The following ASIC2 variants were observed in gnomAD, a reference collection of about 807,000 sequenced individuals.
ASIC2 encodes the protein acid-sensing ion channel 2.
Under a neutral mutation model 57.3 loss-of-function variants are expected in ASIC2, and 25 were observed. The ratio of observed to expected loss-of-function variants is 0.44; its 90% CI spans 0.32 to 0.61. The LOEUF is 0.61. Among genes scored for constraint, ASIC2 ranks in the 20% least tolerant of loss-of-function variants. The pLI is 0.06. For missense variants in ASIC2, 641 were observed against 738.1 expected, an observed-to-expected ratio of 0.87 and a Z score of 1.52; for synonymous variants, 319 against 307.5, an observed-to-expected ratio of 1.04 and a Z score of -0.39.
intron 1 of ASIC2, among the ~76,000 whole-genome samples, chr17:34,081,213 G>A (rs1165079932): frequency 1.3e-5 from 2 of 152,056 alleles, no homozygotes; most frequent in Admixed American, 1.3e-4. Context: ...CTAGGGGTGG[G>A]AGGATACCAT....
intron 1 of ASIC2, among the ~76,000 whole-genome samples, chr17:33,482,014 C>T (rs544003346): frequency 1.3e-5 from 2 of 152,254 alleles, no homozygotes. Context: ...ACACTCTTCT[C>T]CTGATATCCA....
intron 1 of ASIC2, among the ~76,000 whole-genome samples, chr17:33,262,519 A>G (rs1427412247): frequency 6.6e-6 from 1 of 152,114 alleles, no homozygotes; most frequent in African/African-American, 2.4e-5. Context: ...TAATTGCTCA[A>G]ATGCCTATAG....
In ASIC2 at chr17:33,956,633, G is replaced by T. The variant is rs111377419; in HGVS notation, c.555+199345C>A. Among the ~76,000 whole-genome samples the T allele has an allele frequency of 6.6e-3, 998 of 152,270 alleles. 17 individuals carry two copies. The highest frequency in any genetic ancestry group is 0.023 in the African/African-American group (941 of 41,548). The stretch of plus-strand genomic sequence containing the variant: ...GGAGACATTTCTCAGCCCCAGAGGA[G>T]GCTGGTCCCCCACTGTCAGAACCCC... On this transcript the variant is annotated intron_variant, in intron 1 of 9. Coordinates refer to the ASIC2 transcript ENST00000359872.
chr17:33,854,412 T>C (rs531402748), intron 1 of ASIC2, among the ~76,000 whole-genome samples: 13 of 152,374 alleles, frequency 8.5e-5, no homozygotes, highest in African/African-American at 2.6e-4. Context: ...TCCATGTGCA[T>C]GTTTATGCAC....
At chr17:33,686,996 G>A (rs1054651608) in intron 1 of ASIC2, among the ~76,000 whole-genome samples, 12 of 152,138 alleles carry the variant, frequency 7.9e-5, no homozygotes, top group African/African-American at 2.9e-4. Flanking sequence ...GAACCTATGC[G>A]GGCTTTGGGG....
intron 1 of ASIC2, among the ~76,000 whole-genome samples, chr17:33,492,026 C>T (rs750678975): frequency 6.6e-6 from 1 of 152,226 alleles, no homozygotes; most frequent in African/African-American, 2.4e-5. Context: ...CTAATCTTCT[C>T]CCTGGCAGCT....
chr17:33,721,239 A>G (rs964229162), intron 1 of ASIC2, among the ~76,000 whole-genome samples: 5 of 152,164 alleles, frequency 3.3e-5, no homozygotes, highest in African/African-American at 1.2e-4. Flanking sequence ...TCCTGAATTC[A>G]TTCATTCATT....
At chr17:33,636,303 A>G (rs947735504) in intron 1 of ASIC2, among the ~76,000 whole-genome samples, 5 of 152,172 alleles carry the variant, frequency 3.3e-5, no homozygotes, top group African/African-American at 9.7e-5. Context: ...CCTGAGTTTG[A>G]CCATTAAAAT....
chr17:33,878,818 AGTT>A (rs903175069), intron 1 of ASIC2, among the ~76,000 whole-genome samples: 3 of 152,196 alleles, frequency 2.0e-5, no homozygotes, highest in African/African-American at 7.2e-5. Context: ...GATTCACCAA[AGTT>A]GAAATGAAGG....
At chr17:33,415,098 T>G (rs1180598109) in intron 1 of ASIC2, among the ~76,000 whole-genome samples, 1 of 152,238 alleles carries the variant, frequency 6.6e-6, no homozygotes, top group Non-Finnish European at 1.5e-5. Flanking sequence ...TCCCTTTGGC[T>G]GCACTGATTG....
At chr17:33,135,490 T>C (rs1308462052) in intron 1 of ASIC2, among the ~76,000 whole-genome samples, 1 of 152,156 alleles carries the variant, frequency 6.6e-6, no homozygotes, top group Non-Finnish European at 1.5e-5. Flanking sequence ...AGGGCAAAAA[T>C]TTGCTCTTGT....
chr17:33,762,240 C>T (rs762174969), intron 1 of ASIC2, among the ~76,000 whole-genome samples: 5 of 152,114 alleles, frequency 3.3e-5, no homozygotes, highest in Non-Finnish European at 5.9e-5. Context: ...GCAACCACCA[C>T]ATTGGGTCCT....
chr17:33,657,837 T>G (rs1352685466), intron 1 of ASIC2, among the ~76,000 whole-genome samples: 1 of 151,180 alleles, frequency 6.6e-6, no homozygotes, highest in Non-Finnish European at 1.5e-5. Flanking sequence ...TGGATTAAAC[T>G]TAGTTGGAAT....
intron 1 of ASIC2, among the ~76,000 whole-genome samples, chr17:33,593,275 G>A (rs1161631837): frequency 6.6e-6 from 1 of 152,198 alleles, no homozygotes; most frequent in Admixed American, 6.5e-5. Flanking sequence ...TCTTTCCAGT[G>A]GTTTTGAATC....
intron 3 of ASIC2, chr17:33,052,352 T>C (rs190051036): frequency 6.6e-6 from 1 of 152,360 alleles, no homozygotes; most frequent in East Asian, 1.9e-4. Context: ...CTAAACAGCT[T>C]TGATCATGAG....
chr17:33,420,765 A>G (rs1380008900), intron 1 of ASIC2, among the ~76,000 whole-genome samples: 1 of 152,202 alleles, frequency 6.6e-6, no homozygotes, highest in Non-Finnish European at 1.5e-5. Flanking sequence ...CTACCAACAC[A>G]GAATGGGAGT....
intron 1 of ASIC2, among the ~76,000 whole-genome samples, chr17:33,630,600 A>G (rs947109975): frequency 1.1e-4 from 16 of 152,232 alleles, no homozygotes; most frequent in African/African-American, 3.9e-4. Context: ...CTCAAGGTCA[A>G]GGGTTCCAAA....
Position 33,238,229 on chromosome 17 carries a change from A to G in ASIC2, c.708+53179T>C, listed in dbSNP as rs114343966. Among the ~76,000 whole-genome samples, 1,416 of 152,318 alleles carry G rather than the reference A, an allele frequency of 9.3e-3. 29 individuals carry two copies. The highest frequency in any genetic ancestry group is 0.032 in the African/African-American group (1,316 of 41,576). ...GAAATCGCAGAGGCTGTGCTGGAGA[A>G]ACCCTGTGAGAGCTGCACGACGGCA... On this transcript the variant is annotated intron_variant, in intron 1 of 9. Coordinates refer to ENST00000225823, the MANE Select transcript of ASIC2 (RefSeq NM_183377.2).
At chr17:33,634,577 G>A (rs182089770) in intron 1 of ASIC2, among the ~76,000 whole-genome samples, 31 of 143,634 alleles carry the variant, frequency 2.2e-4, no homozygotes, top group African/African-American at 8.1e-4. Context: ...GTGCAGTAGT[G>A]CGATCTTGGC....
Sources: allele counts gnomAD v4.1 joint callset (sites outside exome capture counted in the v4.1 genomes callset), GRCh38; gene constraint gnomAD v4.1.1; transcripts MANE v1.5; gene names NCBI Gene and HGNC (gene_info 2026-07-23, HGNC 2026-07-21).